The following HCRTR2 variants were observed in gnomAD, a reference collection of about 807,000 sequenced individuals.
HCRTR2 encodes the protein hypocretin receptor 2.
Under a neutral mutation model 49.0 loss-of-function variants are expected in HCRTR2, and 22 were observed. The ratio of observed to expected loss-of-function variants is 0.45; its 90% CI spans 0.32 to 0.64. The LOEUF (loss-of-function observed/expected upper bound fraction) is 0.64. Ranked by LOEUF, HCRTR2 falls within the 30% of genes least tolerant of loss-of-function variation. HCRTR2 has a pLI of 0.04. For synonymous variants in HCRTR2, 236 were observed against 205.3 expected, an observed-to-expected ratio of 1.15 and a Z score of -1.28; for missense variants, 491 against 559.4, an observed-to-expected ratio of 0.88 and a Z score of 1.23.
chr6:55,121,550 G>A (rs2127237773), intron 1 of HCRTR2, among the ~76,000 whole-genome samples: 1 of 152,238 alleles, frequency 6.6e-6, no homozygotes, highest in East Asian at 1.9e-4. Context: ...AGTTTTCAAA[G>A]GGAATGCTTC....
chr6:55,279,493 T>A (rs995043976), intron 5 of HCRTR2, among the ~76,000 whole-genome samples: 2 of 147,998 alleles, frequency 1.4e-5, no homozygotes, highest in African/African-American at 5.0e-5. Flanking sequence ...ATACCAGAAA[T>A]GCATTGTTGT....
At position 55,211,442 on chromosome 6, in the gene HCRTR2, G is replaced by A. The variant is rs1381226967; in HGVS notation, c.223+36632G>A. On this transcript the variant is annotated intron_variant, in intron 1 of 6. Transcript: ENST00000370862. Reference sequence around the variant, plus strand: ...TAATATGCTGCTCAGTTCTGGAAAAGGCATATTCTGTAAATATAGATGAGA... The same window carrying A: ...TAATATGCTGCTCAGTTCTGGAAAAAGCATATTCTGTAAATATAGATGAGA... Among the ~76,000 whole-genome samples, 6 of 152,214 alleles carry A rather than the reference G, an allele frequency of 3.9e-5. No homozygotes were observed. In the East Asian group the frequency reaches 1.2e-3, roughly 29 times the overall value.
chr6:55,265,274 T>C (rs1206350501), intron 4 of HCRTR2, among the ~76,000 whole-genome samples: 1 of 152,122 alleles, frequency 6.6e-6, no homozygotes, highest in Non-Finnish European at 1.5e-5. Context: ...GGGTGTTTGT[T>C]ACTGCAGCAT....
At chr6:55,115,824 T>A (rs1304515063) in intron 1 of HCRTR2, among the ~76,000 whole-genome samples, 2 of 135,562 alleles carry the variant, frequency 1.5e-5, no homozygotes, top group African/African-American at 2.8e-5. Context: ...TCATTCAAAC[T>A]ATTACTCTAA....
At chr6:55,129,447 A>T (rs1165213082) in intron 1 of HCRTR2, among the ~76,000 whole-genome samples, 1 of 152,134 alleles carries the variant, frequency 6.6e-6, no homozygotes. Flanking sequence ...AGATGGCATG[A>T]AATCCCATCA....
At chr6:55,199,545 A>T (rs9396058) in intron 1 of HCRTR2, among the ~76,000 whole-genome samples, 2,525 of 152,300 alleles carry the variant, frequency 0.017, 27 homozygotes, top group East Asian at 0.031. Flanking sequence ...GTTCAAATTA[A>T]TGTATTGAAC....
At chr6:55,120,262 T>G (rs1366206357) in intron 1 of HCRTR2, among the ~76,000 whole-genome samples, 2 of 151,784 alleles carry the variant, frequency 1.3e-5, no homozygotes, top group Non-Finnish European at 2.9e-5. Context: ...GGGCCCTTTT[T>G]TGGTTCCATA....
At chr6:55,169,288 G>A (rs1404282361) in intron 1 of HCRTR2, among the ~76,000 whole-genome samples, 1 of 151,710 alleles carries the variant, frequency 6.6e-6, no homozygotes, top group Non-Finnish European at 1.5e-5. Flanking sequence ...CAGGACAGGA[G>A]GCAAGATGGA....
upstream of HCRTR2, among the ~76,000 whole-genome samples, chr6:55,170,836 G>C (rs1764939759): frequency 6.8e-6 from 1 of 147,644 alleles, no homozygotes; most frequent in Admixed American, 7.1e-5. Flanking sequence ...TACGGTGTTT[G>C]GTTTTTTGTC....
intron 1 of HCRTR2, among the ~76,000 whole-genome samples, chr6:55,187,234 A>G (rs7450814): frequency 1 from 151,346 of 151,650 alleles, 75,523 homozygotes; most frequent in Middle Eastern, 1. Flanking sequence ...GTAAAACCCC[A>G]TCTCTACTAA....
chr6:55,258,284 TAAA>T (rs1766690196), intron 3 of HCRTR2, among the ~76,000 whole-genome samples: 2 of 152,162 alleles, frequency 1.3e-5, no homozygotes, highest in Admixed American at 1.3e-4. Flanking sequence ...AATGTAGTTA[TAAA>T]AGTAGAGAGT....
chr6:55,121,109 A>T (rs1050514029), intron 1 of HCRTR2, among the ~76,000 whole-genome samples: 2 of 152,128 alleles, frequency 1.3e-5, no homozygotes, highest in Non-Finnish European at 2.9e-5. Flanking sequence ...ATCCATGAAC[A>T]TGGAATGTTC....
chr6:55,268,437 T>TAA (rs201737914), intron 4 of HCRTR2, among the ~76,000 whole-genome samples: 9 of 151,898 alleles, frequency 5.9e-5, no homozygotes, highest in Admixed American at 3.9e-4. Flanking sequence ...ACCAATAATT[T>TAA]AAAAAAACCC....
chr6:55,174,277 T>C, upstream of HCRTR2: 3 of 421,110 alleles, frequency 7.1e-6, no homozygotes, highest in East Asian at 5.3e-5. Flanking sequence ...TGAGGAGTAA[T>C]TGAGCTTCAG....
At chr6:55,172,100 G>T (rs1287832714), upstream of HCRTR2, among the ~76,000 whole-genome samples, 1 of 152,198 alleles carries the variant, frequency 6.6e-6, no homozygotes, top group African/African-American at 2.4e-5. Flanking sequence ...AGGCCTACTT[G>T]TCAAATTTAC....
At chr6:55,264,076 G>C (rs1311453034) in intron 4 of HCRTR2, among the ~76,000 whole-genome samples, 1 of 151,868 alleles carries the variant, frequency 6.6e-6, no homozygotes, top group Non-Finnish European at 1.5e-5. Context: ...TTTATAAACT[G>C]ATTAAGTACT....
chr6:55,256,276 T>TTA (rs1766650617), intron 3 of HCRTR2, among the ~76,000 whole-genome samples: 1 of 152,146 alleles, frequency 6.6e-6, no homozygotes, highest in Non-Finnish European at 1.5e-5. Flanking sequence ...ATTTAGAGAA[T>TTA]TCATATGTTA....
Position 55,277,384 on chromosome 6 carries a change from C to T in HCRTR2, c.767C>T (p.Pro256Leu), listed in dbSNP as rs775005420. The T allele has an allele frequency of 1.2e-6, 2 of 1,612,718 alleles. No individual in the cohort carries two copies. The highest frequency in any genetic ancestry group is 8.5e-7 in the Non-Finnish European group (1 of 1,178,770). Residue 256 changes from proline (P) to leucine (L), a missense_variant, in exon 5 of 7, where the codon CCT (proline) becomes CTT (leucine). Physicochemically the swap from Pro to Leu is moderately conservative, Grantham distance 98. Coordinates refer to ENST00000370862, the MANE Select transcript of HCRTR2 (RefSeq NM_001384272.1). ...IFRKLWCRQI[P>L]GTSSVVQRKW... is the part of the protein sequence containing the mutation. ...GTCTGTCTCTTCTCCTTTCAGATCCCTGGAACATCATCTGTAGTTCAGAGA... is the reference window on the plus strand; with the variant it reads ...GTCTGTCTCTTCTCCTTTCAGATCCTTGGAACATCATCTGTAGTTCAGAGA...
chr6:55,243,516 A>G (rs1766373094), intron 1 of HCRTR2, among the ~76,000 whole-genome samples: 1 of 152,208 alleles, frequency 6.6e-6, no homozygotes, highest in African/African-American at 2.4e-5. Context: ...ATTTCACTCA[A>G]AAGAAATGAA....
Sources: allele counts gnomAD v4.1 joint callset (sites outside exome capture counted in the v4.1 genomes callset), GRCh38; gene constraint gnomAD v4.1.1; transcripts MANE v1.5; gene names NCBI Gene and HGNC (gene_info 2026-07-23, HGNC 2026-07-21).